GRAMD1A: variants seen among roughly 807,000 people sequenced by gnomAD.
The protein encoded by GRAMD1A is protein Aster-A.
Under a neutral mutation model 92.0 loss-of-function variants are expected in GRAMD1A, and 50 were observed. The ratio of observed to expected loss-of-function variants is 0.54; its 90% CI spans 0.43 to 0.69. GRAMD1A has a LOEUF of 0.69. Ranked by LOEUF, GRAMD1A falls within the 30% of genes least tolerant of loss-of-function variation. GRAMD1A has a pLI of 0.00. For synonymous variants in GRAMD1A, 405 were observed against 403.6 expected (o/e 1.00, Z -0.04); for missense variants, 819 against 978.9 (o/e 0.84, Z 2.18).
At chr19:34,999,793 TG>T (rs1307682125), upstream of GRAMD1A, among the ~76,000 whole-genome samples, 1 of 152,140 alleles carries the variant, frequency 6.6e-6, no homozygotes, top group Non-Finnish European at 1.5e-5. Flanking sequence ...TGACCAAAAC[TG>T]GGAAGTCCCT....
At position 35,000,851 on chromosome 19, in the gene GRAMD1A, G is replaced by C. The variant is rs975199165; in HGVS notation, c.8+365G>C. Among the ~76,000 whole-genome samples the C allele has an allele frequency of 2.0e-5, 3 of 152,078 alleles. No individual in the cohort carries two copies. Among genetic ancestry groups the C allele is most frequent in the African/African-American group, 4.8e-5 (2 of 41,414 alleles). On this transcript the variant is annotated intron_variant, in intron 1 of 19. Coordinates refer to ENST00000317991, the MANE Select transcript of GRAMD1A (RefSeq NM_020895.5). The surrounding 1 kb of genome is among the most constrained non-coding windows in gnomAD (Gnocchi z 4.9). ...GGGGTGAGCGCGAGGCCGAACTGGGGCTCCGGCCTGGGATGGAGACAGGAT... is the reference window on the plus strand; with the variant it reads ...GGGGTGAGCGCGAGGCCGAACTGGGCCTCCGGCCTGGGATGGAGACAGGAT...
At chr19:35,007,797 C>T (rs553373594) in intron 1 of GRAMD1A, among the ~76,000 whole-genome samples, 39 of 152,082 alleles carry the variant, frequency 2.6e-4, no homozygotes, top group African/African-American at 8.0e-4. Flanking sequence ...CACTTAAGCC[C>T]GGGAGCTCGA....
At chr19:35,016,624 G>C (rs1417060734) in intron 11 of GRAMD1A, among the ~76,000 whole-genome samples, 26 of 147,002 alleles carry the variant, frequency 1.8e-4, no homozygotes, top group African/African-American at 6.3e-4. Flanking sequence ...TGGGGTGCTG[G>C]GCACAGTGGC....
rs1400613471 is a variant in GRAMD1A at position 35,000,615 on chromosome 19, C to T, written c.8+129C>T. On this transcript the variant is annotated intron_variant, in intron 1 of 19. Coordinates refer to ENST00000317991, the MANE Select transcript of GRAMD1A (RefSeq NM_020895.5). This position sits in a 1 kb window ranked among gnomAD's most constrained non-coding sequence, Gnocchi z 4.9. ...AGGTCGGGGGCCTCTGCACATGGCT[C>T]TGGCCGGGGCGATCGGGGTGGGGGC... The T allele has an allele frequency of 4.9e-5, 8 of 164,346 alleles. No homozygotes were observed. Among genetic ancestry groups the T allele is most frequent in the Non-Finnish European group, 7.8e-5 (7 of 90,290 alleles). 10.2% of individuals were successfully genotyped at this position (164,346 alleles called of 1,614,324 possible).
chr19:35,023,769 G>A (rs1600345924), intron 19 of GRAMD1A: 2 of 487,456 alleles, frequency 4.1e-6, no homozygotes, highest in Admixed American at 7.6e-5. Context: ...GAAAAGTCCA[G>A]AGGCGTCTCA....
intron 11 of GRAMD1A, 42 bp downstream of exon 11, chr19:35,016,009 C>T (rs1223294379): frequency 1.3e-6 from 2 of 1,597,624 alleles, no homozygotes; most frequent in Admixed American, 1.7e-5. Context: ...TACCCAGGTG[C>T]AGGGGAGGGG....
At chr19:35,016,074 G>A (rs1423526446) in intron 11 of GRAMD1A, 107 bp downstream of exon 11, 8 of 1,244,882 alleles carry the variant, frequency 6.4e-6, no homozygotes, top group South Asian at 2.9e-5. Context: ...GGGGCAAGGC[G>A]AGGTGGTGAA....
chr19:35,020,367 A>G (rs1223758194), intron 13 of GRAMD1A, among the ~76,000 whole-genome samples: 2 of 152,104 alleles, frequency 1.3e-5, no homozygotes, highest in African/African-American at 4.8e-5. Context: ...GGTGAAACCC[A>G]TCTCTACTAA....
intron 19 of GRAMD1A, chr19:35,023,859 C>T (rs951041183): frequency 1.2e-5 from 3 of 242,184 alleles, no homozygotes; most frequent in Non-Finnish European, 2.4e-5. Context: ...TGCCCATCTC[C>T]AGGGTTGGCT....
At chr19:35,023,957 TC>T (rs2016266787) in intron 19 of GRAMD1A, 1 of 159,620 alleles carries the variant, frequency 6.3e-6, no homozygotes, top group East Asian at 1.9e-4. Context: ...CCCTGACACA[TC>T]ACAACAGCCA....
intron 1 of GRAMD1A, among the ~76,000 whole-genome samples, chr19:35,004,089 C>T (rs916544356): frequency 1.3e-5 from 2 of 152,076 alleles, no homozygotes; most frequent in Non-Finnish European, 2.9e-5. Context: ...ATCAGCTAGG[C>T]ATGGTGGTGT....
chr19:34,999,195 G>A (rs1038557903), upstream of GRAMD1A, among the ~76,000 whole-genome samples: 4 of 152,082 alleles, frequency 2.6e-5, no homozygotes, highest in South Asian at 2.1e-4. Context: ...TGGAGCGATT[G>A]ATTTTATACG....
At position 35,011,618 on chromosome 19, in the gene GRAMD1A, C is replaced by G. The variant is rs536489589; in HGVS notation, c.606+64C>G. 4.1e-5 allele frequency: 50 copies of G among 1,211,304 alleles called. 1 individual carries two copies. The South Asian group carries it at 5.8e-4, about 14-fold the overall frequency. 75.0% of individuals were successfully genotyped at this position (1,211,304 alleles called of 1,614,324 possible). On this transcript the variant is annotated intron_variant, in intron 7 of 19. Transcript: ENST00000317991. Reference sequence around the variant, plus strand: ...CCAGGGGGACCATGGAGCCAGGGACCCCAGAACTTGCGGAGCTGGAGGCAG... The same window carrying G: ...CCAGGGGGACCATGGAGCCAGGGACGCCAGAACTTGCGGAGCTGGAGGCAG...
At chr19:34,996,246 G>T, upstream of GRAMD1A, 4 of 1,535,284 alleles carry the variant, frequency 2.6e-6, no homozygotes, top group Non-Finnish European at 3.5e-6. Flanking sequence ...CCCCGACGCC[G>T]GCAGCAGCAG....
chr19:35,011,447 A>AG, intron 6 of GRAMD1A, 27 bp from the exon 7 acceptor site: 1 of 1,485,398 alleles, frequency 6.7e-7, no homozygotes, highest in Non-Finnish European at 9.4e-7. Context: ...ACCTGCTCAC[A>AG]CCTCTCTCTC....
At position 35,009,278 on chromosome 19, in the gene GRAMD1A, GA is replaced by G. The variant is rs1568322173; in HGVS notation, c.169del (p.Thr57ProfsTer7). ...CCTCAGAGAAGGGTGGGGTGCCTGGGACCCCCAGCACCCAGAGCCTAGGCAG... is the reference window on the plus strand; with the variant it reads ...CCTCAGAGAAGGGTGGGGTGCCTGGGCCCCCAGCACCCAGAGCCTAGGCAG... ...SSSEKGGVPG[T>X]PSTQSLGSRN... On this transcript the variant is annotated frameshift_variant, in exon 2 of 20. Coordinates refer to ENST00000317991, the MANE Select transcript of GRAMD1A (RefSeq NM_020895.5). LOFTEE classifies it high-confidence loss of function. 1 of 1,614,094 alleles carries G rather than the reference GA, an allele frequency of 6.2e-7. No individual in the cohort carries two copies. The highest frequency in any genetic ancestry group is 1.3e-5 in the African/African-American group (1 of 75,034).
intron 16 of GRAMD1A, among the ~76,000 whole-genome samples, chr19:35,022,278 A>G (rs535811435): frequency 2.0e-5 from 3 of 152,150 alleles, no homozygotes; most frequent in Non-Finnish European, 4.4e-5. Flanking sequence ...GACCTCACCC[A>G]AGGATCAAGG....
chr19:35,022,111 T>C, intron 16 of GRAMD1A, 73 bp downstream of exon 16: 4 of 1,078,148 alleles, frequency 3.7e-6, no homozygotes, highest in Non-Finnish European at 5.6e-6. Context: ...TGGGCAAGTG[T>C]GTGGCCTCTT....
intron 17 of GRAMD1A, 67 bp downstream of exon 17, chr19:35,022,978 C>A: frequency 7.9e-7 from 1 of 1,257,924 alleles, no homozygotes; most frequent in Non-Finnish European, 1.1e-6. Context: ...GCCTCTTCTC[C>A]CCACCCCATG....
Sources: allele counts gnomAD v4.1 joint callset (sites outside exome capture counted in the v4.1 genomes callset), GRCh38; gene constraint gnomAD v4.1.1; non-coding constraint Gnocchi (gnomAD v3.1); transcripts MANE v1.5; gene names NCBI Gene and HGNC (gene_info 2026-07-23, HGNC 2026-07-21).